Variants in CPNE5 observed in about 807,000 individuals in gnomAD.
CPNE5 encodes copine-5.
CPNE5 carries 42 observed loss-of-function variants against 81.1 expected under a neutral mutation model. That is an observed-to-expected ratio of 0.52 (90% CI 0.40 to 0.67). CPNE5 has a LOEUF of 0.67. Ranked by LOEUF, CPNE5 falls within the 30% of genes least tolerant of loss-of-function variation. CPNE5 has a pLI of 0.00. For synonymous variants in CPNE5, 313 were observed against 321.5 expected (o/e 0.97, Z 0.28); for missense variants, 612 against 815.5 (o/e 0.75, Z 3.04).
chr6:36,821,339 G>A (rs1203896793), intron 3 of CPNE5, among the ~76,000 whole-genome samples: 3 of 151,960 alleles, frequency 2.0e-5, no homozygotes, highest in Non-Finnish European at 2.9e-5. Context: ...ATGAAGGGAC[G>A]GTGCTTTTGC....
At position 36,818,182 on chromosome 6, in the gene CPNE5, G is replaced by T. The variant is rs114103499; in HGVS notation, c.183+3932C>A. On this transcript the variant is annotated intron_variant, in intron 3 of 20. Coordinates refer to ENST00000244751, the MANE Select transcript of CPNE5 (RefSeq NM_020939.2). Reference sequence around the variant, plus strand: ...CCACATCATGCACCCCAGGCAAATGGCTTGTGCTTGGGCTCAAATTCCATT... The same window carrying T: ...CCACATCATGCACCCCAGGCAAATGTCTTGTGCTTGGGCTCAAATTCCATT... Among the ~76,000 whole-genome samples, 429 of 152,196 alleles carry T rather than the reference G, an allele frequency of 2.8e-3. 1 individual carries two copies. Among genetic ancestry groups the T allele is most frequent in the Middle Eastern group, 0.014 (4 of 294 alleles).
chr6:36,764,069 C>A (rs1317356486), intron 11 of CPNE5, among the ~76,000 whole-genome samples: 7 of 151,710 alleles, frequency 4.6e-5, no homozygotes, highest in African/African-American at 1.7e-4. Flanking sequence ...AAGAGGTGTC[C>A]CTGGGGCCCC....
In CPNE5 at chr6:36,794,590, C is replaced by T; in HGVS notation, c.464G>A (p.Gly155Asp). The change falls in exon 7 of 21, where the codon GGT (glycine) becomes GAT (aspartate). Residue 155 changes from glycine (G) to aspartate (D), a missense_variant and splice_region_variant. Gly to Asp is a moderately conservative substitution (Grantham distance 94, BLOSUM62 -1). Coordinates refer to ENST00000244751, the MANE Select transcript of CPNE5 (RefSeq NM_020939.2). ...GGGCCAGAGATGTCTGGCAACGTAC[C>T]CGTTGGACACAGCTGGCATGGGTTT... The part of the protein sequence containing the change: ...TGKPMPAVSN[G>D]GVPGKKCGTI... The T allele has an allele frequency of 6.2e-7, 1 of 1,613,984 alleles. No individual in the cohort carries two copies.
At chr6:36,775,848 TAGTGCCTAGAAC>T (rs1183921058) in intron 9 of CPNE5, among the ~76,000 whole-genome samples, 3 of 152,252 alleles carry the variant, frequency 2.0e-5, no homozygotes, top group Non-Finnish European at 4.4e-5. Context: ...GGCACATCCC[TAGTGCCTAGAAC>T]AGTGCCTGGC....
At chr6:36,797,144 C>T (rs1208269342) in intron 6 of CPNE5, among the ~76,000 whole-genome samples, 2 of 152,196 alleles carry the variant, frequency 1.3e-5, no homozygotes, top group African/African-American at 4.8e-5. Flanking sequence ...TGAGCTCAGG[C>T]GATCCATCGC....
intron 3 of CPNE5, among the ~76,000 whole-genome samples, chr6:36,802,784 T>C (rs1770241373): frequency 6.6e-6 from 1 of 152,092 alleles, no homozygotes; most frequent in Non-Finnish European, 1.5e-5. Context: ...GTGCGGTGGC[T>C]AACACCTGTA....
At chr6:36,744,941 C>T in intron 18 of CPNE5, 107 bp downstream of exon 18, 1 of 770,094 alleles carries the variant, frequency 1.3e-6, no homozygotes. Context: ...CAAGTCATCT[C>T]CAAGCATTTC....
At chr6:36,807,454 C>T (rs1271352664) in intron 3 of CPNE5, among the ~76,000 whole-genome samples, 1 of 152,208 alleles carries the variant, frequency 6.6e-6, no homozygotes, top group Admixed American at 6.5e-5. Context: ...GGACATAAAA[C>T]GTGCTCTGTA....
rs373309609 is a variant in CPNE5, at chr6:36,766,926, G to A, written c.738-1550C>T. Among the ~76,000 whole-genome samples, 1 of 152,154 alleles carries A rather than the reference G, an allele frequency of 6.6e-6. No homozygotes were observed. Among genetic ancestry groups the A allele is most frequent in the East Asian group, 1.9e-4 (1 of 5,184 alleles). ...GCTGGAGTGCAATGGCGTGATCTCG[G>A]CTCATTGCAACCTCCGCCTCCGGAT... On this transcript the variant is annotated intron_variant, in intron 10 of 20. Coordinates refer to ENST00000244751, the MANE Select transcript of CPNE5 (RefSeq NM_020939.2). The surrounding 1 kb of genome is among the most constrained non-coding windows in gnomAD (Gnocchi z 4.2).
chr6:36,753,022 A>G lies in CPNE5; in HGVS notation c.971+12T>C. On this transcript the variant is annotated intron_variant, in intron 14 of 20. Coordinates refer to ENST00000244751, the MANE Select transcript of CPNE5 (RefSeq NM_020939.2). ...CCCCAAGGCCCATGAAATTGGCTGT[A>G]TCTCTTCTCACCCTCCTTTGATGTA... 2 of 1,606,192 alleles carry G rather than the reference A, an allele frequency of 1.2e-6. No homozygotes were observed. The highest frequency in any genetic ancestry group is 8.5e-7 in the Non-Finnish European group (1 of 1,173,394).
intron 3 of CPNE5, among the ~76,000 whole-genome samples, chr6:36,804,221 T>C (rs536637152): frequency 6.6e-6 from 1 of 152,300 alleles, no homozygotes; most frequent in South Asian, 2.1e-4. Flanking sequence ...TGAGGAGTCA[T>C]CAAGCATTAT....
At chr6:36,758,884 T>G (rs1459093476) in intron 12 of CPNE5, among the ~76,000 whole-genome samples, 1 of 152,160 alleles carries the variant, frequency 6.6e-6, no homozygotes, top group East Asian at 1.9e-4. Flanking sequence ...AGCACCCTCT[T>G]TAGCACTGGA....
rs1026984233 is a variant in CPNE5 at position 36,785,161 on chromosome 6, T to C, written c.529-6204A>G. On this transcript the variant is annotated intron_variant, in intron 8 of 20. Transcript: ENST00000244751. ...GTTAATGGGGCTGCTGGGGAGATTA[T>C]AGCAGACAGCCTTGCTCTCCAGAGT... Among the ~76,000 whole-genome samples, 11 of 152,160 alleles carry C rather than the reference T, an allele frequency of 7.2e-5. No individual in the cohort carries two copies. The South Asian group carries it at 2.3e-3, about 32-fold the overall frequency.
At chr6:36,778,329 A>C (rs1026147214) in intron 9 of CPNE5, among the ~76,000 whole-genome samples, 4 of 152,192 alleles carry the variant, frequency 2.6e-5, no homozygotes, top group Non-Finnish European at 5.9e-5. Flanking sequence ...TAGGGGCTTC[A>C]AAGTCTGGAG....
chr6:36,828,532 G>A (rs767755294), intron 1 of CPNE5, among the ~76,000 whole-genome samples: 13 of 152,316 alleles, frequency 8.5e-5, no homozygotes, highest in Non-Finnish European at 1.6e-4. Context: ...CAGAAGTGCT[G>A]CATCAATGCA....
At chr6:36,838,500 TAGAC>T (rs1253999895) in intron 1 of CPNE5, among the ~76,000 whole-genome samples, 6 of 152,200 alleles carry the variant, frequency 3.9e-5, no homozygotes, top group African/African-American at 9.7e-5. Context: ...ACCCAGCTCT[TAGAC>T]AGAGAAGTTA....
chr6:36,815,936 C>A (rs1252901522), intron 3 of CPNE5, among the ~76,000 whole-genome samples: 1 of 152,222 alleles, frequency 6.6e-6, no homozygotes, highest in South Asian at 2.1e-4. Context: ...TCAGCCAAGA[C>A]AGCTGCCTGG....
intron 3 of CPNE5, among the ~76,000 whole-genome samples, chr6:36,801,987 G>A (rs533073537): frequency 2.0e-5 from 3 of 152,232 alleles, no homozygotes; most frequent in Non-Finnish European, 2.9e-5. Context: ...TTGGGAGGCC[G>A]AGGTGGGCGG....
chr6:36,769,289 C>T (rs1414981034), intron 10 of CPNE5, among the ~76,000 whole-genome samples: 1 of 152,174 alleles, frequency 6.6e-6, no homozygotes, highest in Admixed American at 6.5e-5. Context: ...TGTGGCTCTC[C>T]GTGAGTCACA....
Sources: gnomAD v4.1 joint callset for allele counts (sites outside exome capture counted in the v4.1 genomes callset) on GRCh38, gnomAD v4.1.1 for gene constraint, Gnocchi (gnomAD v3.1) non-coding constraint, MANE v1.5 for transcripts, NCBI Gene and HGNC (gene_info 2026-07-23, HGNC 2026-07-21) for gene names.